The following PROS1 variants were observed in gnomAD, a reference collection of about 807,000 sequenced individuals.
PROS1 encodes vitamin K-dependent protein S.
In PROS1, 29 loss-of-function variants were observed where a neutral mutation model predicts 75.9. The observed-to-expected ratio is 0.38, with a 90% CI of 0.28 to 0.52. The LOEUF is 0.52. Ranked by LOEUF, PROS1 falls within the 20% of genes least tolerant of loss-of-function variation. The pLI is 0.83. For missense variants in PROS1, 680 were observed against 810.3 expected, an observed-to-expected ratio of 0.84 and a Z score of 1.95; for synonymous variants, 245 against 280.6, an observed-to-expected ratio of 0.87 and a Z score of 1.27.
intron 1 of PROS1, among the ~76,000 whole-genome samples, chr3:93,955,535 T>C (rs755513738): frequency 2.6e-5 from 4 of 151,716 alleles, no homozygotes; most frequent in East Asian, 1.9e-4. Flanking sequence ...ATGAGAACAG[T>C]TGGACACGGG....
chr3:93,900,177 C>T (rs1237814855), intron 7 of PROS1, among the ~76,000 whole-genome samples: 1 of 152,176 alleles, frequency 6.6e-6, no homozygotes, highest in South Asian at 2.1e-4. Flanking sequence ...CTTCCTGATG[C>T]ACACAGGGCA....
chr3:93,886,403 C>A lies in PROS1; in HGVS notation c.1256G>T (p.Gly419Val). 1.9e-6 allele frequency: 3 copies of A among 1,613,856 alleles called. No individual in the cohort carries two copies. Among genetic ancestry groups the A allele is most frequent in the Non-Finnish European group, 2.5e-6 (3 of 1,179,874 alleles). The change falls in exon 11 of 15, where the codon GGA becomes GTA. Residue 419 changes from glycine to valine, a missense_variant. By Grantham distance (109) the Gly-to-Val change is moderately radical. Transcript: ENST00000394236. ...KPGPLFKPENGLLETKVYFAG... is the reference protein window; with the variant it reads ...KPGPLFKPENVLLETKVYFAG... ...AAAGTATACTTTGGTTTCCAGCAAT[C>A]CATTTTCCGGCTTAAAAAGGGGTCC...
chr3:93,940,454 G>C (rs1324558211), intron 1 of PROS1, among the ~76,000 whole-genome samples: 1 of 152,042 alleles, frequency 6.6e-6, no homozygotes, highest in Non-Finnish European at 1.5e-5. Flanking sequence ...TAACTGTTGT[G>C]GGTACTGACG....
chr3:93,925,699 C>T (rs1177415442), intron 2 of PROS1, among the ~76,000 whole-genome samples: 1 of 151,580 alleles, frequency 6.6e-6, no homozygotes, highest in Admixed American at 6.6e-5. Flanking sequence ...GGCTGCACAC[C>T]TGTAGTCTCA....
Position 93,910,708 on chromosome 3 carries a change from G to T in PROS1, c.260-3C>A. ...AGTTTGAAAAGAGCGAAGACAAACT[G>T]AAAATAAAAACAAACATAATCTTCT... On this transcript the variant is annotated splice_region_variant and splice_polypyrimidine_tract_variant and intron_variant, in intron 3 of 14. Transcript: ENST00000394236. 1 of 1,608,548 alleles carries T rather than the reference G, an allele frequency of 6.2e-7. No homozygotes were observed. Among genetic ancestry groups the T allele is most frequent in the Non-Finnish European group, 8.5e-7 (1 of 1,176,030 alleles).
In PROS1 at chr3:93,873,112, TA is replaced by T. The variant is rs1435001204; in HGVS notation, c.*1132del. 4.6e-5 allele frequency: 7 copies of T among 152,218 alleles called. No homozygotes were observed. Among genetic ancestry groups the T allele is most frequent in the Admixed American group, 2.0e-4 (3 of 15,272 alleles). The allele number at this position is 152,218 out of a possible 1,614,324, so 9.4% of individuals were successfully genotyped here. A position where few individuals can be genotyped will look rare whatever the true frequency, so the allele number is the denominator to read the frequency against. On this transcript the variant is annotated 3_prime_UTR_variant, in exon 15 of 15. Transcript: ENST00000394236. Reference sequence around the variant, plus strand: ...ATAATAAAGATATTCACATGCATTTTAAAATTATACACCGATTTATTATAAG... The same window carrying T: ...ATAATAAAGATATTCACATGCATTTTAAATTATACACCGATTTATTATAAG...
intron 1 of PROS1, among the ~76,000 whole-genome samples, chr3:93,932,207 A>G (rs1407065257): frequency 6.6e-6 from 1 of 152,236 alleles, no homozygotes; most frequent in African/African-American, 2.4e-5. Flanking sequence ...GCTGTTTTAC[A>G]TTATCTCCTT....
intron 14 of PROS1, among the ~76,000 whole-genome samples, chr3:93,875,687 ATCTG>A (rs1254566159): frequency 6.4e-4 from 96 of 150,872 alleles, no homozygotes; most frequent in Non-Finnish European, 2.8e-4. Flanking sequence ...TCATCTATCT[ATCTG>A]TCTGTCTTTC....
In PROS1 at chr3:93,884,834, T is replaced by G; in HGVS notation, c.1386A>C (p.Gly462=). 1 of 1,613,592 alleles carries G rather than the reference T, an allele frequency of 6.2e-7. No individual in the cohort carries two copies. The highest frequency in any genetic ancestry group is 8.5e-7 in the Non-Finnish European group (1 of 1,179,740). The part of the protein sequence containing the change: ...SWNLMKQGAS[G]IKEIIQEKQN... ...GTTTTTCTTGAATAATTTCCTTTAT[T>G]CCAGAAGCTCCTTGCTTCATCAAAT... The change falls in exon 12 of 15, where the codon GGA becomes GGC. Residue 462 remains glycine (G), a synonymous_variant. Transcript: ENST00000394236.
chr3:93,925,223 C>G (rs1468370050), intron 2 of PROS1, among the ~76,000 whole-genome samples: 1 of 152,108 alleles, frequency 6.6e-6, no homozygotes, highest in Non-Finnish European at 1.5e-5. Context: ...ACAAGAATAC[C>G]TCATGAGAAA....
At chr3:93,899,689 A>G (rs1708557500) in intron 7 of PROS1, among the ~76,000 whole-genome samples, 3 of 152,332 alleles carry the variant, frequency 2.0e-5, no homozygotes, top group African/African-American at 7.2e-5. Context: ...CAGCATACGT[A>G]GTTAAAAAAT....
chr3:93,888,702 C>T (rs1394973777), intron 10 of PROS1, among the ~76,000 whole-genome samples: 2 of 152,156 alleles, frequency 1.3e-5, no homozygotes, highest in Admixed American at 1.3e-4. Context: ...CATCAGCACA[C>T]CAGTCAAACT....
intron 14 of PROS1, among the ~76,000 whole-genome samples, chr3:93,875,936 A>G (rs912835835): frequency 2.6e-5 from 4 of 152,160 alleles, no homozygotes; most frequent in African/African-American, 7.2e-5. Context: ...TGCCAATTTC[A>G]TATTTTCCAA....
chr3:93,875,387 T>A (rs139291450), intron 14 of PROS1, among the ~76,000 whole-genome samples: 35 of 152,192 alleles, frequency 2.3e-4, no homozygotes, highest in Middle Eastern at 6.8e-3. Context: ...CTCTCAAATC[T>A]TCCCCACTCT....
At chr3:93,914,976 C>T (rs1456640942) in intron 3 of PROS1, among the ~76,000 whole-genome samples, 1 of 152,170 alleles carries the variant, frequency 6.6e-6, no homozygotes, top group Non-Finnish European at 1.5e-5. Flanking sequence ...GCCCCTGGCT[C>T]CTTTCTATTC....
chr3:93,949,709 G>A (rs530603175), intron 1 of PROS1, among the ~76,000 whole-genome samples: 6 of 152,262 alleles, frequency 3.9e-5, no homozygotes, highest in South Asian at 2.1e-4. Context: ...TGAAAGAAAC[G>A]AGAAAGGAGT....
chr3:93,941,017 G>T (rs545538913), intron 1 of PROS1, among the ~76,000 whole-genome samples: 4 of 152,170 alleles, frequency 2.6e-5, no homozygotes, highest in Admixed American at 1.3e-4. Flanking sequence ...CTTAACGATG[G>T]TTTTTTCACT....
At chr3:93,910,806 G>A (rs1708749805) in intron 3 of PROS1, 101 bp from the exon 4 acceptor site, 3 of 922,748 alleles carry the variant, frequency 3.3e-6, no homozygotes, top group South Asian at 2.8e-5. Flanking sequence ...TTATGCTCCT[G>A]TAGATTCACA....
Position 93,873,944 on chromosome 3 carries a change from T to C in PROS1, c.*301A>G, listed in dbSNP as rs569117154. 18 of 327,136 alleles carry C rather than the reference T, an allele frequency of 5.5e-5. No homozygotes were observed. Among genetic ancestry groups the C allele is most frequent in the South Asian group, 4.0e-4 (12 of 30,352 alleles). 20.3% of individuals were successfully genotyped at this position (327,136 alleles called of 1,614,324 possible). On this transcript the variant is annotated 3_prime_UTR_variant, in exon 15 of 15. Transcript: ENST00000394236. Reference sequence around the variant, plus strand: ...TAGGTATTTAGACACTAGTTCATGATGATAAAATTAAAATTTAGTTTTACA... The same window carrying C: ...TAGGTATTTAGACACTAGTTCATGACGATAAAATTAAAATTTAGTTTTACA...
Sources: allele counts gnomAD v4.1 joint callset (sites outside exome capture counted in the v4.1 genomes callset), GRCh38; gene constraint gnomAD v4.1.1; transcripts MANE v1.5; gene names NCBI Gene and HGNC (gene_info 2026-07-23, HGNC 2026-07-21).